ADCY10: variants seen among roughly 807,000 people sequenced by gnomAD.
ADCY10 encodes adenylate cyclase 10.
A neutral mutation model predicts 183.3 loss-of-function variants in ADCY10; 156 were observed. The ratio of observed to expected loss-of-function variants is 0.85; its 90% confidence interval spans 0.75 to 0.97. ADCY10 has a LOEUF of 0.97. ADCY10 is among the 50% of genes least tolerant of loss of function. The pLI is 0.00. For missense variants in ADCY10, 1,745 were observed against 1,934.3 expected, an observed-to-expected ratio of 0.90 and a Z score of 1.84; for synonymous variants, 645 against 670.0, an observed-to-expected ratio of 0.96 and a Z score of 0.58.
intron 31 of ADCY10, 24 bp from the exon 32 acceptor site, chr1:167,810,937 G>T (rs751716255): frequency 6.2e-7 from 1 of 1,611,000 alleles, no homozygotes; most frequent in Non-Finnish European, 8.5e-7. Flanking sequence ...ACCCACAACA[G>T]TATATTAGAA....
chr1:167,839,955 C>T (rs1664490708), intron 21 of ADCY10, among the ~76,000 whole-genome samples: 1 of 151,792 alleles, frequency 6.6e-6, no homozygotes, highest in Admixed American at 6.6e-5. Context: ...CACAGTGGCT[C>T]ATCCCTATAA....
At chr1:167,904,727 A>C in intron 2 of ADCY10, 2 of 610,610 alleles carry the variant, frequency 3.3e-6, no homozygotes, top group Non-Finnish European at 5.8e-6. Flanking sequence ...GAGTCAGTGA[A>C]GTTGGGGCAG....
chr1:167,870,481 A>C (rs1475499590), intron 13 of ADCY10, 71 bp from the exon 14 acceptor site: 1 of 1,331,226 alleles, frequency 7.5e-7, no homozygotes, highest in Non-Finnish European at 1.0e-6. Flanking sequence ...AAAAAGTCAC[A>C]TAGAAACCCT....
rs114216418 is a variant in ADCY10 at position 167,843,526 on chromosome 1, G to A, written c.3007+2037C>T. 1.4e-3 allele frequency among the ~76,000 whole-genome samples: 218 copies of A among 151,776 alleles called. 2 individuals carry two copies. The highest frequency in any genetic ancestry group is 3.9e-3 in the African/African-American group (160 of 41,362). On this transcript the variant is annotated intron_variant, in intron 21 of 32. Coordinates refer to ENST00000367851, the MANE Select transcript of ADCY10 (RefSeq NM_018417.6). ...CTAAAGCTTCCTTAATTCAGGCAGC[G>A]CATCTTCTCGGTGCTCCAGTCTGTC...
chr1:167,899,189 A>G (rs1669215861), intron 6 of ADCY10, among the ~76,000 whole-genome samples: 1 of 152,076 alleles, frequency 6.6e-6, no homozygotes, highest in Non-Finnish European at 1.5e-5. Context: ...CCCAAATTCC[A>G]TATCCTCAGT....
At chr1:167,887,999 T>G (rs761059941) in intron 8 of ADCY10, among the ~76,000 whole-genome samples, 1 of 152,202 alleles carries the variant, frequency 6.6e-6, no homozygotes, top group African/African-American at 2.4e-5. Flanking sequence ...CATCTGCATA[T>G]GGATATCCAG....
Position 167,854,454 on chromosome 1 carries a change from T to C in ADCY10, c.2207A>G (p.Tyr736Cys). The C allele has an allele frequency of 6.2e-7, 1 of 1,614,200 alleles. No homozygotes were observed. The highest frequency in any genetic ancestry group is 1.3e-5 in the African/African-American group (1 of 75,046). ...CAGGTTTTTAAGCAATTCTTCACAG[T>C]AAAATGGAATCCCACAGCTTCCCTC... ...LGEGSCGIPF[Y>C]CEELLKNLEH... Residue 736 changes from tyrosine to cysteine, a missense_variant, in exon 18 of 33, where the codon TAC (tyrosine) becomes TGC (cysteine). Tyr to Cys is a radical substitution (Grantham distance 194). Transcript: ENST00000367851.
chr1:167,894,021 C>G, intron 7 of ADCY10, 80 bp from the exon 8 acceptor site: 1 of 978,078 alleles, frequency 1.0e-6, no homozygotes, highest in South Asian at 1.3e-5. Context: ...CTCCCAGTCC[C>G]TATTCTCTTG....
rs1388091820 is a variant in ADCY10, at chr1:167,845,707, G to A, written c.2863C>T (p.Arg955Cys). The change falls in exon 21 of 33, where the codon CGC becomes TGC. Residue 955 changes from arginine (R) to cysteine (C), a missense_variant. By Grantham distance (180) the Arg-to-Cys change is radical (BLOSUM62 -3). Coordinates refer to ENST00000367851, the MANE Select transcript of ADCY10 (RefSeq NM_018417.6). ...CTGTGGGCATCTTCTTCTAAAAAGCGGGCACATTTCAAGTGCATGGCTTTT... is the reference window on the plus strand; with the variant it reads ...CTGTGGGCATCTTCTTCTAAAAAGCAGGCACATTTCAAGTGCATGGCTTTT... The part of the protein sequence containing the change: ...QRKAMHLKCA[R>C]FLEEDAHRCD... 12 of 1,614,198 alleles carry A rather than the reference G, an allele frequency of 7.4e-6. No individual in the cohort carries two copies. The highest frequency in any genetic ancestry group is 6.7e-5 in the East Asian group (3 of 44,894).
At chr1:167,863,923 G>A (rs974208177) in intron 14 of ADCY10, among the ~76,000 whole-genome samples, 42 of 152,078 alleles carry the variant, frequency 2.8e-4, no homozygotes, top group African/African-American at 1.0e-3. Flanking sequence ...TCAGCACTTG[G>A]TTTTGGTTTT....
intron 23 of ADCY10, 120 bp downstream of exon 23, chr1:167,836,189 A>C (rs371287632): frequency 1.4e-5 from 10 of 730,630 alleles, no homozygotes; most frequent in African/African-American, 1.0e-4. Context: ...TTCAGTGGAA[A>C]GGGGTGCTGT....
intron 23 of ADCY10, 46 bp downstream of exon 23, chr1:167,836,263 A>G (rs1387192371): frequency 1.5e-6 from 2 of 1,318,500 alleles, no homozygotes; most frequent in East Asian, 2.4e-5. Context: ...TCTATGTTCT[A>G]TGAATTGTCT....
intron 8 of ADCY10, among the ~76,000 whole-genome samples, chr1:167,883,937 C>A (rs1001338440): frequency 1.3e-5 from 2 of 151,988 alleles, no homozygotes; most frequent in Admixed American, 1.3e-4. Context: ...TTTTGGCTCT[C>A]CTATTTTTAA....
At position 167,809,482 on chromosome 1, in the gene ADCY10, A is replaced by T. The variant is rs79784089; in HGVS notation, c.*196T>A. 6.4e-6 allele frequency: 4 copies of T among 621,580 alleles called. No homozygotes were observed. In the East Asian group the frequency reaches 1.1e-4, roughly 18 times the overall value. The allele number at this position is 621,580 out of a possible 1,614,324, so 38.5% of individuals were successfully genotyped here. ...TGAATGGTAAAAGCAATTTTTTGTAACATTAGGAAGAAGTAAACCATGACA... is the reference window on the plus strand; with the variant it reads ...TGAATGGTAAAAGCAATTTTTTGTATCATTAGGAAGAAGTAAACCATGACA... On this transcript the variant is annotated 3_prime_UTR_variant, in exon 33 of 33. Coordinates refer to ENST00000367851, the MANE Select transcript of ADCY10 (RefSeq NM_018417.6).
chr1:167,849,288 A>C (rs937612415), intron 18 of ADCY10, among the ~76,000 whole-genome samples: 1 of 152,190 alleles, frequency 6.6e-6, no homozygotes, highest in African/African-American at 2.4e-5. Context: ...TTAAATGGTG[A>C]AGTTTGAATA....
intron 31 of ADCY10, among the ~76,000 whole-genome samples, chr1:167,816,539 C>A (rs1393217118): frequency 6.6e-6 from 1 of 151,778 alleles, no homozygotes; most frequent in Non-Finnish European, 1.5e-5. Flanking sequence ...GAGTGAGACT[C>A]CATTTCAAAA....
chr1:167,854,234 A>G (rs1665716119), intron 18 of ADCY10, 119 bp downstream of exon 18: 1 of 1,273,162 alleles, frequency 7.9e-7, no homozygotes, highest in African/African-American at 1.5e-5. Context: ...CTGGCTCCCC[A>G]GAACCTTCTG....
At chr1:167,811,253 G>A (rs532089247) in intron 31 of ADCY10, among the ~76,000 whole-genome samples, 16 of 152,300 alleles carry the variant, frequency 1.1e-4, no homozygotes, top group African/African-American at 2.6e-4. Flanking sequence ...ATTTCTGCAT[G>A]TAAGGAGCTT....
At chr1:167,886,758 T>C (rs1045670575) in intron 8 of ADCY10, among the ~76,000 whole-genome samples, 2 of 152,090 alleles carry the variant, frequency 1.3e-5, no homozygotes, top group Non-Finnish European at 2.9e-5. Flanking sequence ...TGAACAGGCA[T>C]CCTACAGAAT....
Sources: allele counts gnomAD v4.1 joint callset (sites outside exome capture counted in the v4.1 genomes callset), GRCh38; gene constraint gnomAD v4.1.1; transcripts MANE v1.5; gene names NCBI Gene and HGNC (gene_info 2026-07-23, HGNC 2026-07-21).